C2CD5: variants seen among roughly 807,000 people sequenced by gnomAD.
C2CD5 encodes the protein C2 domain-containing protein 5.
C2CD5 carries 109 observed loss-of-function variants against 130.3 expected under a neutral mutation model. The ratio of observed to expected loss-of-function variants is 0.84; its 90% CI spans 0.72 to 0.98. C2CD5 has a LOEUF of 0.98. Among genes scored for constraint, C2CD5 ranks in the 50% least tolerant of loss-of-function variants. The pLI is 0.00. For synonymous variants in C2CD5, 454 were observed against 429.2 expected, an observed-to-expected ratio of 1.06 and a Z score of -0.71; for missense variants, 996 against 1,261.8, an observed-to-expected ratio of 0.79 and a Z score of 3.19.
At position 22,477,743 on chromosome 12, in the gene C2CD5, T is replaced by C. The variant is rs575944569; in HGVS notation, c.1902+570A>G. Reference sequence around the variant, plus strand: ...CAGCATTGTGATACTTATTGCAAAGTTGGTAAAAAGACTGATTAAAGGAAA... The same window carrying C: ...CAGCATTGTGATACTTATTGCAAAGCTGGTAAAAAGACTGATTAAAGGAAA... On this transcript the variant is annotated intron_variant, in intron 15 of 26. Transcript: ENST00000446597. Among the ~76,000 whole-genome samples, 82 of 152,216 alleles carry C rather than the reference T, an allele frequency of 5.4e-4. No individual in the cohort carries two copies. The Middle Eastern group carries it at 0.017, about 32-fold the overall frequency.
intron 26 of C2CD5, among the ~76,000 whole-genome samples, chr12:22,451,543 T>C (rs1410320663): frequency 6.6e-6 from 1 of 152,122 alleles, no homozygotes; most frequent in East Asian, 1.9e-4. Flanking sequence ...ATTATTTGGG[T>C]ACAGAGGAAG....
In C2CD5 at chr12:22,522,210, G is replaced by GTT. The variant is rs374018859; in HGVS notation, c.800+1215_800+1216insAA. 3.1e-3 allele frequency among the ~76,000 whole-genome samples: 478 copies of GTT among 152,158 alleles called. 7 individuals are homozygous for GTT. Among genetic ancestry groups the GTT allele is most frequent in the African/African-American group, 0.011 (466 of 41,532 alleles). On this transcript the variant is annotated intron_variant, in intron 7 of 26. Coordinates refer to ENST00000446597, the MANE Select transcript of C2CD5 (RefSeq NM_001286176.2). The stretch of plus-strand genomic sequence containing the variant: ...AAAAAGTTTGCCAACCCTTGACTTA[G>GTT]AAGAATCTCTAGATGAGTGGTCTTC...
chr12:22,482,854 TG>T (rs981107659), intron 13 of C2CD5, 111 bp from the exon 14 acceptor site: 1 of 733,088 alleles, frequency 1.4e-6, no homozygotes, highest in African/African-American at 1.8e-5. Flanking sequence ...TTGTTTCTAA[TG>T]GGCTTACTGA....
At chr12:22,542,826 G>C (rs1952528529) in intron 2 of C2CD5, among the ~76,000 whole-genome samples, 1 of 152,178 alleles carries the variant, frequency 6.6e-6, no homozygotes, top group African/African-American at 2.4e-5. Context: ...TACTCCTATA[G>C]CAGGACTGTT....
chr12:22,513,518 A>G (rs1204566343), intron 8 of C2CD5, 139 bp from the exon 9 acceptor site: 3 of 651,610 alleles, frequency 4.6e-6, no homozygotes, highest in African/African-American at 1.8e-5. Context: ...GATGACAAAT[A>G]AAGCACATAT....
rs2136311921 is a variant in C2CD5 at position 22,482,677 on chromosome 12, T to C, written c.1617A>G (p.Pro539=). 1.2e-6 allele frequency: 2 copies of C among 1,613,534 alleles called. No individual in the cohort carries two copies. Among genetic ancestry groups the C allele is most frequent in the Non-Finnish European group, 1.7e-6 (2 of 1,179,522 alleles). ...GAGTATGCACTTCATATTCCATAAA[T>C]GGCAAGAGATTACTGATAGCTGTAG... ...ANATAISNLL[P]FMEYEVHTQL... The change falls in exon 14 of 27, where the codon CCA becomes CCG. Residue 539 remains proline, a synonymous_variant. Transcript: ENST00000446597.
At chr12:22,474,928 T>C (rs749367237) in intron 15 of C2CD5, 37 bp from the exon 16 acceptor site, 2 of 1,409,472 alleles carry the variant, frequency 1.4e-6, no homozygotes, top group Non-Finnish European at 1.9e-6. Flanking sequence ...CATATGAGAT[T>C]GTCTTTTCCA....
chr12:22,515,143 G>C (rs1489596843), intron 8 of C2CD5: 25 of 984,482 alleles, frequency 2.5e-5, no homozygotes, highest in Non-Finnish European at 8.4e-6. Context: ...GTCCCTGTGG[G>C]TAAGGTGCTG....
intron 26 of C2CD5, among the ~76,000 whole-genome samples, chr12:22,451,072 C>T (rs1565629201): frequency 2.6e-5 from 4 of 151,512 alleles, no homozygotes; most frequent in Non-Finnish European, 1.5e-5. Flanking sequence ...TGGAGTGTTA[C>T]ATCTCTAGAA....
In C2CD5 at chr12:22,481,843, G is replaced by A. The variant is rs537781332; in HGVS notation, c.1737+714C>T. 2.2e-4 allele frequency among the ~76,000 whole-genome samples: 32 copies of A among 144,814 alleles called. No individual in the cohort carries two copies. The South Asian group carries it at 3.1e-3, about 14-fold the overall frequency. ...TTTTATAGAGACAGTGGTCTCACCC[G>A]GGCTGGTCTAACTTCTGGGCTCAAG... On this transcript the variant is annotated intron_variant, in intron 14 of 26. Transcript: ENST00000446597.
chr12:22,487,509 A>C (rs1945699821), intron 12 of C2CD5, among the ~76,000 whole-genome samples: 1 of 152,136 alleles, frequency 6.6e-6, no homozygotes, highest in Non-Finnish European at 1.5e-5. Flanking sequence ...GAGATACCAT[A>C]CCACACCAGT....
intron 10 of C2CD5, among the ~76,000 whole-genome samples, chr12:22,501,215 CT>C (rs527452377): frequency 7.2e-5 from 11 of 152,004 alleles, no homozygotes; most frequent in Admixed American, 1.3e-4. Flanking sequence ...TTATATCTAC[CT>C]TTTTTCTTCA....
chr12:22,523,004 A>G (rs1408485895), intron 7 of C2CD5, among the ~76,000 whole-genome samples: 1 of 152,124 alleles, frequency 6.6e-6, no homozygotes, highest in African/African-American at 2.4e-5. Flanking sequence ...ACTTGAGCCC[A>G]GGAGTTTGAG....
intron 24 of C2CD5, among the ~76,000 whole-genome samples, chr12:22,457,662 T>TC (rs1394297602): frequency 6.6e-6 from 1 of 152,102 alleles, no homozygotes; most frequent in Non-Finnish European, 1.5e-5. Context: ...TTTAAAAGCT[T>TC]AACGACCTCT....
chr12:22,529,524 T>C (rs1347746838), intron 3 of C2CD5, among the ~76,000 whole-genome samples: 1 of 152,136 alleles, frequency 6.6e-6, no homozygotes, highest in Non-Finnish European at 1.5e-5. Context: ...GATACATACA[T>C]AGATAGCTAA....
intron 6 of C2CD5, 137 bp downstream of exon 6, chr12:22,524,335 G>A (rs1173383257): frequency 1.5e-6 from 1 of 671,016 alleles, no homozygotes; most frequent in East Asian, 2.7e-5. Flanking sequence ...TGTTCAGGAA[G>A]ACTGGCCCAG....
chr12:22,470,294 A>T (rs1416101786), intron 21 of C2CD5, among the ~76,000 whole-genome samples: 1 of 152,122 alleles, frequency 6.6e-6, no homozygotes, highest in African/African-American at 2.4e-5. Flanking sequence ...AATCATTCAA[A>T]CTATACAAGA....
chr12:22,520,788 C>G (rs552829221), intron 7 of C2CD5, among the ~76,000 whole-genome samples: 18 of 151,854 alleles, frequency 1.2e-4, no homozygotes, highest in African/African-American at 4.3e-4. Flanking sequence ...GAGAGTTAAG[C>G]TGGAAAACAC....
intron 22 of C2CD5, among the ~76,000 whole-genome samples, chr12:22,469,018 C>T (rs1942565845): frequency 6.6e-6 from 1 of 152,034 alleles, no homozygotes; most frequent in Non-Finnish European, 1.5e-5. Flanking sequence ...CATAATGCTA[C>T]AAAATAAGGC....
Sources: gnomAD v4.1 joint callset for allele counts (sites outside exome capture counted in the v4.1 genomes callset) on GRCh38, gnomAD v4.1.1 for gene constraint, MANE v1.5 for transcripts, NCBI Gene and HGNC (gene_info 2026-07-23, HGNC 2026-07-21) for gene names.